Variants in RNF139 observed in about 807,000 individuals in gnomAD.
The protein encoded by RNF139 is ring finger protein 139, also known as E3 ubiquitin-protein ligase RNF139.
RNF139 carries 15 observed loss-of-function variants against 49.5 expected under a neutral mutation model. The observed-to-expected ratio is 0.30, with a 90% CI of 0.20 to 0.47. RNF139 has a LOEUF of 0.47. Among genes scored for constraint, RNF139 ranks in the 20% least tolerant of loss-of-function variants. The probability of loss-of-function intolerance (pLI) is 1.00; values close to 1 mark genes in which losing one functional copy is unlikely to be tolerated. For missense variants in RNF139, 619 were observed against 806.3 expected (o/e 0.77, Z 2.81); for synonymous variants, 325 against 300.9 (o/e 1.08, Z -0.83).
chr8:124,482,847 A>G (rs898811131), intron 1 of RNF139, among the ~76,000 whole-genome samples: 2 of 146,984 alleles, frequency 1.4e-5, no homozygotes, highest in African/African-American at 5.1e-5. Flanking sequence ...AATCGCTTGA[A>G]CCTGGGAGGC....
chr8:124,475,336 G>T (rs1816296263), intron 1 of RNF139, 46 bp downstream of exon 1: 2 of 1,570,872 alleles, frequency 1.3e-6, no homozygotes, highest in Non-Finnish European at 1.7e-6. Flanking sequence ...TATGCGGGCC[G>T]AGACGTTCCC....
At chr8:124,476,910 G>C (rs2131296759) in intron 1 of RNF139, among the ~76,000 whole-genome samples, 1 of 152,298 alleles carries the variant, frequency 6.6e-6, no homozygotes, top group South Asian at 2.1e-4. Context: ...AAAGCAATCT[G>C]ATATTTTCCT....
rs772866274 is a variant in RNF139, at chr8:124,475,301, A to G, written c.181+11A>G. On this transcript the variant is annotated intron_variant, in intron 1 of 1. Coordinates refer to ENST00000303545, the MANE Select transcript of RNF139 (RefSeq NM_007218.4). ...TCCTCCGGCTCTTTGGTAAGGGAAC[A>G]GGGTACCGTACGTCCCGGGACGGCT... 7 of 1,602,288 alleles carry G rather than the reference A, an allele frequency of 4.4e-6. No individual in the cohort carries two copies. The highest frequency in any genetic ancestry group is 1.4e-5 in the African/African-American group (1 of 73,880).
Position 124,486,686 on chromosome 8 carries a change from A to G in RNF139, c.1037A>G (p.Glu346Gly), listed in dbSNP as rs757276296. The change falls in exon 2 of 2, where the codon GAA becomes GGA. Residue 346 changes from glutamate to glycine, a missense_variant. Around this residue, in one of 2 missense-constraint regions of RNF139, gnomAD observed 530 missense variants for 728.9 expected, o/e 0.73. Coordinates refer to ENST00000303545, the MANE Select transcript of RNF139 (RefSeq NM_007218.4). ...ACTGGGTTAAGTGGGCTAAGACCAG[A>G]AGAGAGACTTATTCGCTTAAGTAGA... ...LQTGLSGLRPEERLIRLSRNM... is the reference protein window; with the variant it reads ...LQTGLSGLRPGERLIRLSRNM... 2.5e-6 allele frequency: 4 copies of G among 1,614,160 alleles called. No individual in the cohort carries two copies. The highest frequency in any genetic ancestry group is 3.4e-6 in the Non-Finnish European group (4 of 1,180,024).
intron 1 of RNF139, among the ~76,000 whole-genome samples, chr8:124,483,640 A>G (rs1227484469): frequency 1.3e-5 from 2 of 151,812 alleles, no homozygotes; most frequent in Non-Finnish European, 2.9e-5. Flanking sequence ...CACCATGTTG[A>G]CATGGTCTTG....
chr8:124,475,556 CTT>C (rs1816300418), intron 1 of RNF139, among the ~76,000 whole-genome samples: 1 of 152,366 alleles, frequency 6.6e-6, no homozygotes, highest in Non-Finnish European at 1.5e-5. Context: ...GCATGCAGCT[CTT>C]TGCCCGTTTG....
chr8:124,475,564 G>T (rs918201905), intron 1 of RNF139, among the ~76,000 whole-genome samples: 7 of 152,218 alleles, frequency 4.6e-5, no homozygotes, highest in African/African-American at 1.7e-4. Flanking sequence ...CTCTTTGCCC[G>T]TTTGCCTTGG....
chr8:124,488,237 CTG>C lies in RNF139; in HGVS notation c.*595_*596del, dbSNP rs1478287699. Among the ~76,000 whole-genome samples, 2 of 152,148 alleles carry C rather than the reference CTG, an allele frequency of 1.3e-5. No homozygotes were observed. Among genetic ancestry groups the C allele is most frequent in the Admixed American group, 6.5e-5 (1 of 15,280 alleles). On this transcript the variant is annotated 3_prime_UTR_variant, in exon 2 of 2. Transcript: ENST00000303545. ...GAGAGACTGAGGGTTGACAAATAAA[CTG>C]TATCAACTAAACTTTGATATAAACC... is the stretch of plus-strand genomic sequence containing the variant.
rs1227305792 is a variant in RNF139 at position 124,483,042 on chromosome 8, TAA to T, written c.182-2785_182-2784del. 9.9e-4 allele frequency among the ~76,000 whole-genome samples: 59 copies of T among 59,770 alleles called. 1 individual carries two copies. The highest frequency in any genetic ancestry group is 1.6e-3 in the Non-Finnish European group (56 of 35,408). The allele number at this position is 59,770 out of a possible 152,430, so 39.2% of individuals were successfully genotyped here. On this transcript the variant is annotated intron_variant, in intron 1 of 1. Coordinates refer to ENST00000303545, the MANE Select transcript of RNF139 (RefSeq NM_007218.4). ...ATATATATTTAAATATATATATATT[TAA>T]AAATATATCTATTAAAAATATATAT...
In RNF139 at chr8:124,475,154, T is replaced by G. The variant is rs754765816; in HGVS notation, c.45T>G (p.His15Gln). The change falls in exon 1 of 2, where the codon CAT becomes CAG. Residue 15 changes from histidine to glutamine, a missense_variant. Around this residue, in one of 2 missense-constraint regions of RNF139, gnomAD observed 89 missense variants for 77.5 expected, o/e 1.15. Transcript: ENST00000303545. ...GPPQQQVRMA[H>Q]QQVWAALEVA... ...CGCAGCAGCAGGTGCGGATGGCCCA[T>G]CAGCAGGTCTGGGCGGCGCTCGAAG... The G allele has an allele frequency of 4.4e-6, 7 of 1,593,462 alleles. No homozygotes were observed. The highest frequency in any genetic ancestry group is 6.0e-6 in the Non-Finnish European group (7 of 1,168,520).
Position 124,486,620 on chromosome 8 carries a change from G to C in RNF139, c.971G>C (p.Gly324Ala), listed in dbSNP as rs1368764181. ...ACTGAGGAAGATGACAGGCGTCTTG[G>C]CTTTGTTGCACCTGTTTTATTTTTT... ...GSTEEDDRRL[G>A]FVAPVLFFIL... is the part of the protein sequence containing the mutation. The change falls in exon 2 of 2, where the codon GGC becomes GCC. Residue 324 changes from glycine to alanine, a missense_variant. Gly to Ala is a moderately conservative substitution (Grantham distance 60, BLOSUM62 0). Transcript: ENST00000303545. 6.2e-7 allele frequency: 1 copy of C among 1,614,026 alleles called. No homozygotes were observed. Among genetic ancestry groups the C allele is most frequent in the Non-Finnish European group, 8.5e-7 (1 of 1,180,030 alleles).
At chr8:124,482,413 T>C (rs974737474) in intron 1 of RNF139, among the ~76,000 whole-genome samples, 51 of 152,142 alleles carry the variant, frequency 3.4e-4, no homozygotes, top group African/African-American at 1.2e-3. Flanking sequence ...TTACAGTTCC[T>C]GCTTGACTTT....
intron 1 of RNF139, among the ~76,000 whole-genome samples, chr8:124,476,868 A>G (rs372195078): frequency 1.1e-3 from 170 of 152,324 alleles, no homozygotes; most frequent in African/African-American, 3.9e-3. Context: ...ATTTTCTTTA[A>G]TTAAATAATT....
At chr8:124,480,101 T>C (rs1221560291) in intron 1 of RNF139, among the ~76,000 whole-genome samples, 1 of 151,710 alleles carries the variant, frequency 6.6e-6, no homozygotes, top group Non-Finnish European at 1.5e-5. Context: ...ATAACTGCAC[T>C]CCAGCCTGGC....
At chr8:124,478,615 A>G (rs1311489162) in intron 1 of RNF139, among the ~76,000 whole-genome samples, 1 of 152,044 alleles carries the variant, frequency 6.6e-6, no homozygotes, top group African/African-American at 2.4e-5. Context: ...CAAAAAAAAA[A>G]AAAAAGTCAA....
Position 124,487,749 on chromosome 8 carries a change from T to A in RNF139, c.*105T>A. 1.8e-6 allele frequency: 2 copies of A among 1,104,448 alleles called. No homozygotes were observed. Among genetic ancestry groups the A allele is most frequent in the Admixed American group, 2.7e-5 (1 of 37,474 alleles). The allele number at this position is 1,104,448 out of a possible 1,614,324, so 68.4% of individuals were successfully genotyped here. A position where few individuals can be genotyped will look rare whatever the true frequency, so the allele number is the denominator to read the frequency against. On this transcript the variant is annotated 3_prime_UTR_variant, in exon 2 of 2. Coordinates refer to ENST00000303545, the MANE Select transcript of RNF139 (RefSeq NM_007218.4). ...AGTGTGTAACCAAGCACAAAAACAGTATCAATGTTGAATCTGTGAATGGTT... is the reference window on the plus strand; with the variant it reads ...AGTGTGTAACCAAGCACAAAAACAGAATCAATGTTGAATCTGTGAATGGTT...
At chr8:124,481,480 C>G (rs1339083192) in intron 1 of RNF139, among the ~76,000 whole-genome samples, 2 of 151,624 alleles carry the variant, frequency 1.3e-5, no homozygotes, top group Non-Finnish European at 3.0e-5. Context: ...TTTATTTTTT[C>G]TTTTGTTTTT....
intron 1 of RNF139, among the ~76,000 whole-genome samples, chr8:124,482,990 T>G (rs565556490): frequency 2.1e-5 from 2 of 95,110 alleles, no homozygotes; most frequent in Non-Finnish European, 3.7e-5. Flanking sequence ...ATATATATAT[T>G]TAAAAATATA....
rs775611511 is a variant in RNF139, at chr8:124,486,772, TTAA to T, written c.1125_1127del (p.Met376del). 3 of 1,613,918 alleles carry T rather than the reference TTAA, an allele frequency of 1.9e-6. No homozygotes were observed. Among genetic ancestry groups the T allele is most frequent in the Non-Finnish European group, 2.5e-6 (3 of 1,179,996 alleles). On this transcript the variant is annotated inframe_deletion, in exon 2 of 2. Transcript: ENST00000303545. Reference sequence around the variant, plus strand: ...TATCCATGGAATGACAGACCCTGTATTAATGTCTCTCAGTGCCTCTCATGTGTC... The same window carrying T: ...TATCCATGGAATGACAGACCCTGTATTGTCTCTCAGTGCCTCTCATGTGTC...
Sources: allele counts gnomAD v4.1 joint callset (sites outside exome capture counted in the v4.1 genomes callset), GRCh38; gene constraint gnomAD v4.1.1; regional missense constraint gnomAD v4.1.1; transcripts MANE v1.5; gene names NCBI Gene and HGNC (gene_info 2026-07-23, HGNC 2026-07-21).